Variants in MYH7 observed in about 807,000 individuals in gnomAD.
MYH7 encodes the protein myosin heavy chain 7.
MYH7 carries 129 observed loss-of-function variants against 225.4 expected under a neutral mutation model. That is an observed-to-expected ratio of 0.57 (90% CI 0.50 to 0.66). The LOEUF is 0.66. Ranked by LOEUF, MYH7 falls within the 30% of genes least tolerant of loss-of-function variation. The pLI, the probability that MYH7 is intolerant of heterozygous loss-of-function variation, is 0.00. For missense variants in MYH7, 1,649 were observed against 2,517.0 expected (o/e 0.66, Z 7.38); for synonymous variants, 971 against 1,007.6 (o/e 0.96, Z 0.69).
At chr14:23,430,791 G>A (rs997099804) in intron 10 of MYH7, 110 bp downstream of exon 10, 49 of 1,247,056 alleles carry the variant, frequency 3.9e-5, no homozygotes, top group Non-Finnish European at 5.2e-5. Context: ...CCACTGAATT[G>A]AATCCAGCAG....
intron 29 of MYH7, 43 bp from the exon 30 acceptor site, chr14:23,418,449 A>G (rs1892325796): frequency 1.9e-6 from 3 of 1,565,398 alleles, no homozygotes; most frequent in African/African-American, 2.7e-5. Context: ...AGCTTTCTCC[A>G]TAAAGCAACC....
At chr14:23,430,352 C>A (rs913725675) in intron 11 of MYH7, among the ~76,000 whole-genome samples, 1 of 152,184 alleles carries the variant, frequency 6.6e-6, no homozygotes, top group African/African-American at 2.4e-5. Context: ...TCAGCTCTTC[C>A]TGGTTTGATA....
chr14:23,418,224 C>T lies in MYH7; in HGVS notation c.4155G>A (p.Glu1385=). ...TCAGAACTCACTTGGCCTCCTCGAG[C>T]TCCTCAGTCCGCTGAATGGCGTCCG... ...YETDAIQRTE[E]LEEAKKKLAQ... The change falls in exon 30 of 40, where the codon GAG becomes GAA. Residue 1385 remains glutamate (E), a synonymous_variant. Transcript: ENST00000355349. 6.2e-7 allele frequency: 1 copy of T among 1,613,440 alleles called. No homozygotes were observed. Among genetic ancestry groups the T allele is most frequent in the Non-Finnish European group, 8.5e-7 (1 of 1,180,044 alleles).
rs376854724 is a variant in MYH7, at chr14:23,416,871, G to A, written c.4641C>T (p.Ala1547=). 11 of 1,613,956 alleles carry A rather than the reference G, an allele frequency of 6.8e-6. No homozygotes were observed. Among genetic ancestry groups the A allele is most frequent in the African/African-American group, 4.0e-5 (3 of 74,884 alleles). Reference sequence around the variant, plus strand: ...CGTGCCCTGCACACACACACACCTCGGCCTCCTCCAGGGCTGACTGCAGCT... The same window carrying A: ...CGTGCCCTGCACACACACACACCTCAGCCTCCTCCAGGGCTGACTGCAGCT... ...KMELQSALEE[A]EASLEHEEGK... The change falls in exon 33 of 40, where the codon GCC becomes GCT. Residue 1547 remains alanine, a synonymous_variant. Coordinates refer to ENST00000355349, the MANE Select transcript of MYH7 (RefSeq NM_000257.4).
At position 23,433,718 on chromosome 14, in the gene MYH7, C is replaced by G. The variant is rs1223890089; in HGVS notation, c.15G>C (p.Glu5Asp). 1 of 1,614,072 alleles carries G rather than the reference C, an allele frequency of 6.2e-7. No individual in the cohort carries two copies. Among genetic ancestry groups the G allele is most frequent in the Non-Finnish European group, 8.5e-7 (1 of 1,180,042 alleles). ...GGGCGGCAGCCCCAAAGACTGCCAT[C>G]TCCGAATCTCCCATGGCTGTGCCTG... is the stretch of plus-strand genomic sequence containing the variant. MGDS[E>D]MAVFGAAAPY... The change falls in exon 3 of 40, where the codon GAG becomes GAC. Residue 5 changes from glutamate (E) to aspartate (D), a missense_variant. This residue lies in a region of MYH7 where 91 missense variants were observed against 96.5 expected (regional missense o/e 0.94). Transcript: ENST00000355349. This position sits in a 1 kb window ranked among gnomAD's most constrained non-coding sequence, Gnocchi z 4.1.
intron 37 of MYH7, among the ~76,000 whole-genome samples, chr14:23,414,721 T>A (rs1225573229): frequency 6.6e-6 from 1 of 152,106 alleles, no homozygotes; most frequent in Admixed American, 6.5e-5. Context: ...TCTGGTGAGC[T>A]GTACTGGGTG....
At position 23,425,078 on chromosome 14, in the gene MYH7, G is replaced by C. The variant is rs891420961; in HGVS notation, c.2424-54C>G. On this transcript the variant is annotated intron_variant, in intron 21 of 39. Coordinates refer to ENST00000355349, the MANE Select transcript of MYH7 (RefSeq NM_000257.4). The surrounding 1 kb of genome is among the most constrained non-coding windows in gnomAD (Gnocchi z 4.6). ...AGCCTCCTGCCTCCTTCCTACCTGA[G>C]GTCCTGAAACCTTGGGAATATCCCA... The C allele has an allele frequency of 6.2e-7, 1 of 1,613,558 alleles. No homozygotes were observed. Among genetic ancestry groups the C allele is most frequent in the East Asian group, 2.2e-5 (1 of 44,896 alleles).
intron 15 of MYH7, 24 bp from the exon 16 acceptor site, chr14:23,427,918 A>G (rs770426509): frequency 6.2e-7 from 1 of 1,613,796 alleles, no homozygotes; most frequent in Non-Finnish European, 8.5e-7. Context: ...AGAGAGCATC[A>G]CTGAGTGTCC....
chr14:23,414,896 G>C lies in MYH7; in HGVS notation c.5559+99C>G, dbSNP rs960518068. The C allele has an allele frequency of 8.2e-6, 13 of 1,584,566 alleles. No homozygotes were observed. In the African/African-American group the frequency reaches 1.5e-4, roughly 18 times the overall value. The stretch of plus-strand genomic sequence containing the variant: ...AAACGGGGGCTGCATTCCCATCCTC[G>C]CCCTGGAAGAGGCTAAGAGCAAACT... On this transcript the variant is annotated intron_variant, in intron 37 of 39. Coordinates refer to ENST00000355349, the MANE Select transcript of MYH7 (RefSeq NM_000257.4).
Position 23,433,740 on chromosome 14 carries a change from C to T in MYH7, c.-8G>A, listed in dbSNP as rs45556042. On this transcript the variant is annotated splice_region_variant and 5_prime_UTR_variant, in exon 3 of 40. Coordinates refer to ENST00000355349, the MANE Select transcript of MYH7 (RefSeq NM_000257.4). This position sits in a 1 kb window ranked among gnomAD's most constrained non-coding sequence, Gnocchi z 4.1. ...CATCTCCGAATCTCCCATGGCTGTG[C>T]CTGGAGTGAGCAGAAGCTGGCTGCC... 3 of 1,613,558 alleles carry T rather than the reference C, an allele frequency of 1.9e-6. No homozygotes were observed. Among genetic ancestry groups the T allele is most frequent in the African/African-American group, 1.3e-5 (1 of 75,060 alleles).
rs1339202491 is a variant in MYH7 at position 23,433,622 on chromosome 14, G to A, written c.111C>T (p.Val37=). 6.2e-7 allele frequency: 1 copy of A among 1,614,256 alleles called. No individual in the cohort carries two copies. Among genetic ancestry groups the A allele is most frequent in the South Asian group, 1.1e-5 (1 of 91,090 alleles). ...QTRPFDLKKD[V]FVPDDKQEFV... ...ACTCCTGTTTGTCATCAGGCACGAA[G>A]ACATCCTTCTTGAGGTCAAAAGGCC... The change falls in exon 3 of 40, where the codon GTC becomes GTT. Residue 37 remains valine, a synonymous_variant. Coordinates refer to ENST00000355349, the MANE Select transcript of MYH7 (RefSeq NM_000257.4). This position sits in a 1 kb window ranked among gnomAD's most constrained non-coding sequence, Gnocchi z 4.1.
chr14:23,418,122 G>A, intron 30 of MYH7, 88 bp downstream of exon 30: 2 of 1,583,876 alleles, frequency 1.3e-6, no homozygotes, highest in African/African-American at 1.3e-5. Context: ...GCTAAGCATC[G>A]CCTGTGTGGG....
In MYH7 at chr14:23,425,347, C is replaced by A. The variant is rs36211714; in HGVS notation, c.2358G>T (p.Thr786=). The change falls in exon 21 of 40, where the codon ACG becomes ACT. Residue 786 remains threonine, a synonymous_variant. Transcript: ENST00000355349. The surrounding 1 kb of genome is among the most constrained non-coding windows in gnomAD (Gnocchi z 4.6). ...CACCTCGGGACTGGGCCTGGATACGCGTGATGATGCGGCTCAGCCTCTCGT... is the reference window on the plus strand; with the variant it reads ...CACCTCGGGACTGGGCCTGGATACGAGTGATGATGCGGCTCAGCCTCTCGT... ...MRDERLSRII[T]RIQAQSRGVL... is the part of the protein sequence containing the mutation. 1.2e-4 allele frequency: 199 copies of A among 1,614,166 alleles called. 1 individual carries two copies. The South Asian group carries it at 1.8e-3, about 15-fold the overall frequency.
intron 33 of MYH7, among the ~76,000 whole-genome samples, 196 bp from the exon 34 acceptor site, chr14:23,416,508 G>C (rs76614781): frequency 6.6e-6 from 1 of 152,112 alleles, no homozygotes; most frequent in Non-Finnish European, 1.5e-5. Flanking sequence ...GCCCTCACAG[G>C]GGAGAGCCAG....
rs1159802244 is a variant in MYH7 at position 23,413,684 on chromosome 14, TC to T, written c.5790+74del. On this transcript the variant is annotated intron_variant, in intron 39 of 39. Transcript: ENST00000355349. Reference sequence around the variant, plus strand: ...GTGTGGAATAAATGAAAAGGAAGCATCCCGGGTTTGAGGGTGCTCTGTCTGG... The same window carrying T: ...GTGTGGAATAAATGAAAAGGAAGCATCCGGGTTTGAGGGTGCTCTGTCTGG... 1.1e-5 allele frequency: 17 copies of T among 1,594,004 alleles called. No homozygotes were observed. In the East Asian group the frequency reaches 3.4e-4, roughly 32 times the overall value.
rs572672362 is a variant in MYH7, at chr14:23,429,794, C to T, written c.1119G>A (p.Ala373=). ...TCCCACCTTCAGTGCCGTCTGGCTC[C>T]GCCTGCTCCTCCCGCTGCTTCAGCT... ...KFKLKQREEQ[A]EPDGTEEADK... Residue 373 remains alanine, a synonymous_variant, in exon 12 of 40, where the codon GCG becomes GCA. Transcript: ENST00000355349. 4.5e-5 allele frequency: 73 copies of T among 1,612,882 alleles called. No homozygotes were observed. In the Admixed American group the frequency reaches 1.0e-3, roughly 22 times the overall value.
rs1893010463 is a variant in MYH7 at position 23,433,002 on chromosome 14, C to G, written c.345+82G>C. On this transcript the variant is annotated intron_variant, in intron 4 of 39. Transcript: ENST00000355349. The surrounding 1 kb of genome is among the most constrained non-coding windows in gnomAD (Gnocchi z 4.1). ...GAGTGTAACCCTGCCTAGACACAAA[C>G]AGAAGACACTCTTGGCTCCTGGGGT... 2 of 1,598,968 alleles carry G rather than the reference C, an allele frequency of 1.3e-6. No homozygotes were observed. The highest frequency in any genetic ancestry group is 1.7e-6 in the Non-Finnish European group (2 of 1,168,450).
Position 23,428,530 on chromosome 14 carries a change from G to C in MYH7, c.1548C>G (p.Asp516Glu). 1 of 1,614,206 alleles carries C rather than the reference G, an allele frequency of 6.2e-7. No individual in the cohort carries two copies. Among genetic ancestry groups the C allele is most frequent in the Non-Finnish European group, 8.5e-7 (1 of 1,180,042 alleles). Residue 516 changes from aspartate to glutamate, a missense_variant, in exon 15 of 40, where the codon GAC (aspartate) becomes GAG (glutamate). Asp to Glu is a conservative substitution (Grantham distance 45, BLOSUM62 2). Transcript: ENST00000355349. ...CGATGAGGTCAATGCAGGCCTGCAGGTCCATGCCAAAGTCAATGAATGTCC... is the reference window on the plus strand; with the variant it reads ...CGATGAGGTCAATGCAGGCCTGCAGCTCCATGCCAAAGTCAATGAATGTCC... ...IEWTFIDFGMDLQACIDLIEK... is the reference protein window; with the variant it reads ...IEWTFIDFGMELQACIDLIEK...
rs1372972912 is a variant in MYH7 at position 23,425,812 on chromosome 14, G to A, written c.2169C>T (p.Arg723=). ...ILYGDFRQRY[R]ILNPAAIPEG... is the part of the protein sequence containing the mutation. ...CAGGGATGGCCGCTGGGTTCAGGAT[G>A]CGATACCTGAGGAGGGAAGTGTCCA... The change falls in exon 20 of 40, where the codon CGC becomes CGT. Residue 723 remains arginine, a synonymous_variant. Transcript: ENST00000355349. This position sits in a 1 kb window ranked among gnomAD's most constrained non-coding sequence, Gnocchi z 4.6. 3 of 1,613,872 alleles carry A rather than the reference G, an allele frequency of 1.9e-6. No homozygotes were observed. In the Admixed American group the frequency reaches 5.0e-5, roughly 27 times the overall value.
Sources: allele counts gnomAD v4.1 joint callset (sites outside exome capture counted in the v4.1 genomes callset), GRCh38; gene constraint gnomAD v4.1.1; regional missense constraint gnomAD v4.1.1; non-coding constraint Gnocchi (gnomAD v3.1); transcripts MANE v1.5; gene names NCBI Gene and HGNC (gene_info 2026-07-23, HGNC 2026-07-21).